Variants in PPP3R1 observed in about 807,000 individuals in gnomAD.
The protein encoded by PPP3R1 is calcineurin subunit B type 1.
Under a neutral mutation model 22.6 loss-of-function variants are expected in PPP3R1, and 5 were observed. That is an observed-to-expected ratio of 0.22 (90% CI 0.12 to 0.46). The LOEUF (loss-of-function observed/expected upper bound fraction) is 0.46, where lower values mean the gene tolerates loss of function less well. Among genes scored for constraint, PPP3R1 ranks in the 20% least tolerant of loss-of-function variants. The pLI is 0.99. For missense variants in PPP3R1, 61 were observed against 203.2 expected, an observed-to-expected ratio of 0.30 and a Z score of 4.25; for synonymous variants, 56 against 65.2, an observed-to-expected ratio of 0.86 and a Z score of 0.68.
At chr2:68,216,280 T>C (rs975155988) in intron 2 of PPP3R1, among the ~76,000 whole-genome samples, 3 of 152,146 alleles carry the variant, frequency 2.0e-5, no homozygotes, top group African/African-American at 7.2e-5. Context: ...ATTAAGCTTC[T>C]ATCAAAGATA....
intron 1 of PPP3R1, among the ~76,000 whole-genome samples, chr2:68,240,313 A>G (rs1670096371): frequency 6.6e-6 from 1 of 152,188 alleles, no homozygotes; most frequent in Non-Finnish European, 1.5e-5. Context: ...ATACTACTAG[A>G]CCACGTTGCT....
chr2:68,248,564 C>T (rs1026832663), intron 1 of PPP3R1, among the ~76,000 whole-genome samples: 7 of 152,198 alleles, frequency 4.6e-5, no homozygotes. Context: ...CTGCTTGGCT[C>T]ATCTCCAGAA....
At chr2:68,188,984 C>T (rs1349967564) in intron 2 of PPP3R1, among the ~76,000 whole-genome samples, 2 of 152,114 alleles carry the variant, frequency 1.3e-5, no homozygotes, top group African/African-American at 2.4e-5. Flanking sequence ...ATATTCCAGG[C>T]CGGATAATGC....
chr2:68,252,048 C>A (rs1266089651), intron 1 of PPP3R1, 77 bp downstream of exon 1: 3 of 1,308,446 alleles, frequency 2.3e-6, no homozygotes, highest in Non-Finnish European at 3.0e-6. Flanking sequence ...CCGGGGGCGT[C>A]GGGGCTCGCC....
At chr2:68,233,942 CAA>C (rs201818293) in intron 1 of PPP3R1, among the ~76,000 whole-genome samples, 2 of 151,682 alleles carry the variant, frequency 1.3e-5, no homozygotes, top group South Asian at 4.2e-4. Context: ...TTACTGAATA[CAA>C]AAAAAACAGA....
chr2:68,246,653 G>A (rs1363924487), intron 1 of PPP3R1, among the ~76,000 whole-genome samples: 1 of 152,090 alleles, frequency 6.6e-6, no homozygotes, highest in Non-Finnish European at 1.5e-5. Flanking sequence ...CTGGCATCAT[G>A]CTATGCTGCT....
intron 5 of PPP3R1, among the ~76,000 whole-genome samples, chr2:68,185,226 A>T (rs1467362051): frequency 6.6e-6 from 1 of 150,974 alleles, no homozygotes; most frequent in Non-Finnish European, 1.5e-5. Flanking sequence ...TCAAAAAAAA[A>T]AAAAAAGAAA....
intron 3 of PPP3R1, 118 bp downstream of exon 3, chr2:68,188,396 A>T: frequency 1.3e-6 from 1 of 758,206 alleles, no homozygotes; most frequent in Non-Finnish European, 2.0e-6. Flanking sequence ...GTTTTAACAT[A>T]ATCTATTATT....
At chr2:68,198,062 CA>C (rs199824687) in intron 2 of PPP3R1, among the ~76,000 whole-genome samples, 160 of 41,976 alleles carry the variant, frequency 3.8e-3, no homozygotes, top group African/African-American at 0.013. Flanking sequence ...GCACCTTTGG[CA>C]AAAAAAAAAA....
chr2:68,234,032 T>C (rs545704838), intron 1 of PPP3R1, among the ~76,000 whole-genome samples: 1 of 152,220 alleles, frequency 6.6e-6, no homozygotes, highest in East Asian at 1.9e-4. Context: ...AACAATCCCC[T>C]GGGTAAACAG....
At chr2:68,232,538 G>C (rs1669938255) in intron 1 of PPP3R1, among the ~76,000 whole-genome samples, 1 of 151,898 alleles carries the variant, frequency 6.6e-6, no homozygotes. Flanking sequence ...AACTCATACA[G>C]CAACAGAACC....
intron 2 of PPP3R1, among the ~76,000 whole-genome samples, chr2:68,192,996 G>A (rs1402598555): frequency 6.6e-6 from 1 of 152,148 alleles, no homozygotes; most frequent in Admixed American, 6.5e-5. Flanking sequence ...ATAAAAGAAA[G>A]GGGTTACTAA....
At chr2:68,203,372 C>T (rs1274000290) in intron 2 of PPP3R1, among the ~76,000 whole-genome samples, 5 of 152,158 alleles carry the variant, frequency 3.3e-5, no homozygotes, top group South Asian at 2.1e-4. Flanking sequence ...GAGGCCAAGG[C>T]GGGTGGATCA....
chr2:68,245,708 C>G (rs1558645637), intron 1 of PPP3R1, among the ~76,000 whole-genome samples: 1 of 152,142 alleles, frequency 6.6e-6, no homozygotes. Flanking sequence ...CTTTGTGGAA[C>G]TCACCTCATC....
At chr2:68,187,849 G>A (rs939650139) in intron 3 of PPP3R1, among the ~76,000 whole-genome samples, 1 of 142,274 alleles carries the variant, frequency 7.0e-6, no homozygotes, top group Non-Finnish European at 1.5e-5. Context: ...CTTGTGAAAT[G>A]TTTATTTACT....
intron 1 of PPP3R1, among the ~76,000 whole-genome samples, chr2:68,235,648 T>C (rs77499389): frequency 4.9e-4 from 74 of 152,334 alleles, no homozygotes; most frequent in African/African-American, 1.6e-3. Flanking sequence ...TTATGAATAA[T>C]GTTATTATGA....
chr2:68,248,317 A>G (rs2103818487), intron 1 of PPP3R1, among the ~76,000 whole-genome samples: 1 of 152,346 alleles, frequency 6.6e-6, no homozygotes, highest in East Asian at 1.9e-4. Flanking sequence ...GTGCTCTTAC[A>G]GCATCCCATG....
Position 68,188,498 on chromosome 2 carries a change from A to G in PPP3R1, c.220+16T>C, listed in dbSNP as rs1448926525. ...GTTAGATAACTTGTGGTTATAAAAA[A>G]TAACTACTTTCTTACCTTTAAAGTC... is the stretch of plus-strand genomic sequence containing the variant. On this transcript the variant is annotated intron_variant, in intron 3 of 5. Transcript: ENST00000234310. 3 of 1,562,870 alleles carry G rather than the reference A, an allele frequency of 1.9e-6. No homozygotes were observed. The highest frequency in any genetic ancestry group is 1.4e-5 in the African/African-American group (1 of 72,506).
At chr2:68,198,796 T>G (rs917202091) in intron 2 of PPP3R1, among the ~76,000 whole-genome samples, 9 of 152,298 alleles carry the variant, frequency 5.9e-5, no homozygotes, top group African/African-American at 1.9e-4. Flanking sequence ...GTAACAAGTC[T>G]TCTAATCTAT....
Sources: allele counts gnomAD v4.1 joint callset (sites outside exome capture counted in the v4.1 genomes callset), GRCh38; gene constraint gnomAD v4.1.1; transcripts MANE v1.5; gene names NCBI Gene and HGNC (gene_info 2026-07-23, HGNC 2026-07-21).